The following PRKCA variants were observed in gnomAD, a reference collection of about 807,000 sequenced individuals.
PRKCA encodes the protein protein kinase C alpha.
In PRKCA, 27 loss-of-function variants were observed where a neutral mutation model predicts 87.0. That is an observed-to-expected ratio of 0.31 (90% CI 0.23 to 0.43). The LOEUF is 0.43. Ranked by LOEUF, PRKCA falls within the 20% of genes least tolerant of loss-of-function variation. PRKCA has a pLI of 1.00. For synonymous variants in PRKCA, 329 were observed against 311.1 expected, an observed-to-expected ratio of 1.06 and a Z score of -0.61; for missense variants, 518 against 852.3, an observed-to-expected ratio of 0.61 and a Z score of 4.88.
chr17:66,639,082 C>T (rs148690048), intron 3 of PRKCA, among the ~76,000 whole-genome samples: 1 of 152,200 alleles, frequency 6.6e-6, no homozygotes, highest in Non-Finnish European at 1.5e-5. Context: ...CAGTAGATCT[C>T]TGGATCTCCT....
At position 66,677,075 on chromosome 17, in the gene PRKCA, T is replaced by TTTTTTTTATTTATTTATTTATTTA. The variant is rs1555634533; in HGVS notation, c.530-10033_530-10032insTTTTATTTATTTATTTATTTATTT. On this transcript the variant is annotated intron_variant, in intron 5 of 16. Coordinates refer to ENST00000413366, the MANE Select transcript of PRKCA (RefSeq NM_002737.3). ...GGTCCAAATCTGGCCCACAGCTTATTTTTATTTATTTATTTATTTATTGAG... is the reference window on the plus strand; with the variant it reads ...GGTCCAAATCTGGCCCACAGCTTATTTTTTTTTATTTATTTATTTATTTATTTATTTATTTATTTATTTATTGAG... The TTTTTTTTATTTATTTATTTATTTA allele has an allele frequency of 7.3e-4, 105 of 144,578 alleles. 1 individual carries two copies. Among genetic ancestry groups the TTTTTTTTATTTATTTATTTATTTA allele is most frequent in the African/African-American group, 2.1e-3 (81 of 38,908 alleles). 9.0% of individuals were successfully genotyped at this position (144,578 alleles called of 1,614,324 possible).
chr17:66,512,127 C>T (rs1355907268), intron 3 of PRKCA, among the ~76,000 whole-genome samples: 2 of 152,174 alleles, frequency 1.3e-5, no homozygotes, highest in South Asian at 4.1e-4. Context: ...TTACCCTCCA[C>T]AGTAGCTAGT....
chr17:66,406,656 A>G (rs966362417), intron 2 of PRKCA, among the ~76,000 whole-genome samples: 1 of 134,598 alleles, frequency 7.4e-6, no homozygotes, highest in South Asian at 2.4e-4. Context: ...TTTGTGCTGA[A>G]GTTGGATGGC....
chr17:66,673,814 A>G (rs1972254403), intron 5 of PRKCA, among the ~76,000 whole-genome samples: 1 of 152,254 alleles, frequency 6.6e-6, no homozygotes, highest in Admixed American at 6.5e-5. Context: ...AACCAAGAGC[A>G]AAAGTCCCTT....
At chr17:66,358,186 T>G (rs1908176977) in intron 2 of PRKCA, among the ~76,000 whole-genome samples, 1 of 152,080 alleles carries the variant, frequency 6.6e-6, no homozygotes, top group African/African-American at 2.4e-5. Flanking sequence ...AAAAAGTTTA[T>G]TAGCGTTGGG....
intron 2 of PRKCA, among the ~76,000 whole-genome samples, chr17:66,350,603 C>T (rs1907682330): frequency 6.6e-6 from 1 of 152,078 alleles, no homozygotes; most frequent in Non-Finnish European, 1.5e-5. Context: ...GCTCACTGCA[C>T]CCTTGACCTC....
intron 13 of PRKCA, among the ~76,000 whole-genome samples, chr17:66,754,693 T>G (rs1974510164): frequency 6.6e-6 from 1 of 152,140 alleles, no homozygotes. Context: ...AGAAGTTTGC[T>G]GGGCATGGCG....
At chr17:66,774,839 G>T (rs1425474502) in intron 14 of PRKCA, 2 of 985,226 alleles carry the variant, frequency 2.0e-6, no homozygotes, top group Non-Finnish European at 2.4e-6. Flanking sequence ...CTCACCCTTG[G>T]CAATTCGTTG....
chr17:66,674,443 C>T (rs1972272061), intron 5 of PRKCA, among the ~76,000 whole-genome samples: 1 of 152,152 alleles, frequency 6.6e-6, no homozygotes, highest in African/African-American at 2.4e-5. Flanking sequence ...AAGAGACTAA[C>T]CTTGTTGGTG....
intron 5 of PRKCA, 152 bp from the exon 6 acceptor site, chr17:66,686,959 C>G: frequency 1.5e-6 from 1 of 675,194 alleles, no homozygotes; most frequent in Non-Finnish European, 2.5e-6. Context: ...TAGCTTTTCT[C>G]ATGTCGAGTG....
intron 2 of PRKCA, among the ~76,000 whole-genome samples, chr17:66,323,544 T>C (rs1046250561): frequency 1.3e-5 from 2 of 152,202 alleles, no homozygotes; most frequent in Admixed American, 1.3e-4. Context: ...TTTCTCTAAA[T>C]GTATTTAATA....
At chr17:66,395,719 A>AT (rs540826455) in intron 2 of PRKCA, among the ~76,000 whole-genome samples, 2 of 152,180 alleles carry the variant, frequency 1.3e-5, no homozygotes, top group Non-Finnish European at 2.9e-5. Context: ...ATTTCAGCTG[A>AT]TTTTTTAACA....
chr17:66,473,037 TA>T (rs1272565610), intron 2 of PRKCA, among the ~76,000 whole-genome samples: 1 of 152,116 alleles, frequency 6.6e-6, no homozygotes, highest in African/African-American at 2.4e-5. Flanking sequence ...GAGCTACCAT[TA>T]TGGAGGAATT....
chr17:66,683,232 C>T (rs909431628), intron 5 of PRKCA, among the ~76,000 whole-genome samples: 1 of 152,178 alleles, frequency 6.6e-6, no homozygotes, highest in African/African-American at 2.4e-5. Context: ...TTTTCTGTTT[C>T]CTATAGTGAT....
intron 5 of PRKCA, among the ~76,000 whole-genome samples, chr17:66,677,729 A>G (rs1426483778): frequency 6.6e-6 from 1 of 152,222 alleles, no homozygotes; most frequent in Non-Finnish European, 1.5e-5. Flanking sequence ...TCATCTGGAA[A>G]ACGGGCATCT....
intron 2 of PRKCA, chr17:66,416,930 G>A (rs890277685): frequency 1.3e-5 from 2 of 158,126 alleles, no homozygotes; most frequent in Non-Finnish European, 1.4e-5. Flanking sequence ...GGGCGGTCTC[G>A]CTCTGTCACC....
At chr17:66,523,275 C>T (rs1268392402) in intron 3 of PRKCA, among the ~76,000 whole-genome samples, 1 of 152,136 alleles carries the variant, frequency 6.6e-6, no homozygotes, top group East Asian at 1.9e-4. Context: ...ATGCATTCCC[C>T]CAGTTCCTCC....
chr17:66,753,942 T>C (rs1598918216), intron 13 of PRKCA, among the ~76,000 whole-genome samples: 1 of 152,106 alleles, frequency 6.6e-6, no homozygotes, highest in East Asian at 1.9e-4. Flanking sequence ...TGGTGTTTTA[T>C]AAGGGTAGCT....
intron 8 of PRKCA, among the ~76,000 whole-genome samples, chr17:66,723,673 A>G (rs903623765): frequency 6.6e-6 from 1 of 151,632 alleles, no homozygotes; most frequent in East Asian, 1.9e-4. Context: ...GGGTGGAGGG[A>G]ATAAAGCATG....
Sources: gnomAD v4.1 joint callset for allele counts (sites outside exome capture counted in the v4.1 genomes callset) on GRCh38, gnomAD v4.1.1 for gene constraint, MANE v1.5 for transcripts, NCBI Gene and HGNC (gene_info 2026-07-23, HGNC 2026-07-21) for gene names.